The following ROBO1 variants were observed in gnomAD, a reference collection of about 807,000 sequenced individuals.
ROBO1 encodes the protein roundabout guidance receptor 1.
Under a neutral mutation model 195.9 loss-of-function variants are expected in ROBO1, and 149 were observed. The observed-to-expected ratio is 0.76, with a 90% confidence interval of 0.67 to 0.87. The LOEUF (loss-of-function observed/expected upper bound fraction) is 0.87, where lower values mean the gene tolerates loss of function less well. Ranked by LOEUF, ROBO1 falls within the 40% of genes least tolerant of loss-of-function variation. ROBO1 has a pLI of 0.00. For synonymous variants in ROBO1, 816 were observed against 733.2 expected (o/e 1.11, Z -1.82); for missense variants, 1,933 against 2,068.3 (o/e 0.93, Z 1.27).
At chr3:79,536,869 TG>T (rs774639076) in intron 2 of ROBO1, among the ~76,000 whole-genome samples, 20 of 152,130 alleles carry the variant, frequency 1.3e-4, no homozygotes, top group Non-Finnish European at 2.4e-4. Context: ...TCTTAAAGTC[TG>T]TGTCACTTTT....
At chr3:78,880,296 A>G (rs977308050) in intron 4 of ROBO1, among the ~76,000 whole-genome samples, 2 of 152,190 alleles carry the variant, frequency 1.3e-5, no homozygotes, top group Non-Finnish European at 2.9e-5. Context: ...TAAGATGTTA[A>G]CAATTAAATA....
intron 3 of ROBO1, among the ~76,000 whole-genome samples, chr3:79,024,190 C>T (rs2078159596): frequency 6.6e-6 from 1 of 152,188 alleles, no homozygotes; most frequent in Non-Finnish European, 1.5e-5. Context: ...TTTAGCATCT[C>T]AGCATCTCAC....
chr3:79,416,835 C>A (rs1337104442), intron 2 of ROBO1, among the ~76,000 whole-genome samples: 2 of 152,076 alleles, frequency 1.3e-5, no homozygotes, highest in Non-Finnish European at 2.9e-5. Context: ...CTGAGCATAA[C>A]CACAGATGTT....
Position 78,598,674 on chromosome 3 carries a change from T to G in ROBO1, c.*239A>C. On this transcript the variant is annotated 3_prime_UTR_variant, in exon 31 of 31. Coordinates refer to ENST00000464233, the MANE Select transcript of ROBO1 (RefSeq NM_002941.4). ...AGCACTTTGCTTGCTGGAAGTAAGGTATAATGGTTTGCTCCAACAGCGAGG... is the reference window on the plus strand; with the variant it reads ...AGCACTTTGCTTGCTGGAAGTAAGGGATAATGGTTTGCTCCAACAGCGAGG... 1 of 358,854 alleles carries G rather than the reference T, an allele frequency of 2.8e-6. No homozygotes were observed. The highest frequency in any genetic ancestry group is 5.0e-6 in the Non-Finnish European group (1 of 199,666). 22.2% of individuals were successfully genotyped at this position (358,854 alleles called of 1,614,324 possible). A position where few individuals can be genotyped will look rare whatever the true frequency, so the allele number is the denominator to read the frequency against.
intron 2 of ROBO1, among the ~76,000 whole-genome samples, chr3:79,520,490 T>C (rs1029722972): frequency 2.0e-5 from 3 of 152,184 alleles, no homozygotes; most frequent in Non-Finnish European, 2.9e-5. Flanking sequence ...TAATATGATA[T>C]CCAGATTTGT....
At chr3:79,622,421 T>G (rs544610733) in intron 1 of ROBO1, among the ~76,000 whole-genome samples, 3 of 152,298 alleles carry the variant, frequency 2.0e-5, no homozygotes, top group Middle Eastern at 3.4e-3. Context: ...CACAGCTGCC[T>G]AATACACTGA....
intron 3 of ROBO1, among the ~76,000 whole-genome samples, chr3:79,065,654 T>A (rs1198533929): frequency 6.6e-6 from 1 of 151,954 alleles, no homozygotes; most frequent in Non-Finnish European, 1.5e-5. Flanking sequence ...TCAATAAGGA[T>A]CATATTTAGA....
At chr3:78,808,959 ACC>A (rs2084639391) in intron 4 of ROBO1, among the ~76,000 whole-genome samples, 1 of 152,162 alleles carries the variant, frequency 6.6e-6, no homozygotes, top group Non-Finnish European at 1.5e-5. Context: ...TGACTAAAAC[ACC>A]AAAAGCAATG....
At chr3:79,700,369 T>C (rs1390046837) in intron 1 of ROBO1, among the ~76,000 whole-genome samples, 4 of 149,846 alleles carry the variant, frequency 2.7e-5, no homozygotes, top group Non-Finnish European at 5.9e-5. Flanking sequence ...GAACAATTTA[T>C]TTTCTTTTGG....
Position 78,794,633 on chromosome 3 carries a change from A to T in ROBO1, c.500-47733T>A, listed in dbSNP as rs2084129779. On this transcript the variant is annotated intron_variant, in intron 4 of 30. Coordinates refer to ENST00000464233, the MANE Select transcript of ROBO1 (RefSeq NM_002941.4). ...CACTTTGTCACCCAGACTGGAGTGC[A>T]TTGGTGTGATCTCAGCTCACTGCAG... 2.0e-5 allele frequency among the ~76,000 whole-genome samples: 3 copies of T among 152,108 alleles called. No individual in the cohort carries two copies. The South Asian group carries it at 6.2e-4, about 32-fold the overall frequency.
chr3:79,141,215 G>A (rs1013117084), intron 2 of ROBO1, among the ~76,000 whole-genome samples: 1 of 151,984 alleles, frequency 6.6e-6, no homozygotes, highest in African/African-American at 2.4e-5. Flanking sequence ...TGACGACTGC[G>A]ATTCCTCCCC....
At chr3:78,854,374 A>G (rs1162415170) in intron 4 of ROBO1, among the ~76,000 whole-genome samples, 1 of 148,982 alleles carries the variant, frequency 6.7e-6, no homozygotes, top group Non-Finnish European at 1.5e-5. Context: ...ATATAAATAC[A>G]TACATATAAT....
chr3:79,614,426 A>G (rs1308557327), intron 1 of ROBO1, among the ~76,000 whole-genome samples: 2 of 152,156 alleles, frequency 1.3e-5, no homozygotes, highest in Non-Finnish European at 2.9e-5. Flanking sequence ...AATGGAAATG[A>G]AAACATAACA....
chr3:78,915,990 G>T (rs1021316586), intron 4 of ROBO1, among the ~76,000 whole-genome samples: 12 of 152,076 alleles, frequency 7.9e-5, no homozygotes, highest in Admixed American at 6.6e-4. Context: ...GGTGGCTCAC[G>T]CCTGTAATCC....
Position 79,647,894 on chromosome 3 carries a change from T to C in ROBO1, c.-50-57933A>G, listed in dbSNP as rs551268217. ...AGATAGATTGTCTTACTTGTTTTTA[T>C]TAATCTTTGAAAAATGTGTGTCTAG... is the stretch of plus-strand genomic sequence containing the variant. On this transcript the variant is annotated intron_variant, in intron 1 of 30. Coordinates refer to ENST00000464233, the MANE Select transcript of ROBO1 (RefSeq NM_002941.4). Among the ~76,000 whole-genome samples the C allele has an allele frequency of 2.6e-5, 4 of 152,272 alleles. No individual in the cohort carries two copies. In the South Asian group the frequency reaches 8.3e-4, roughly 32 times the overall value.
At chr3:79,500,518 T>C (rs1452086921) in intron 2 of ROBO1, among the ~76,000 whole-genome samples, 4 of 152,236 alleles carry the variant, frequency 2.6e-5, no homozygotes, top group Non-Finnish European at 5.9e-5. Context: ...ATTGCTCCTG[T>C]GACGCACCTG....
chr3:78,678,125 A>G (rs948138325), intron 10 of ROBO1, among the ~76,000 whole-genome samples: 20 of 152,154 alleles, frequency 1.3e-4, no homozygotes, highest in African/African-American at 4.6e-4. Flanking sequence ...TTTGAAACCA[A>G]TGAGAACAAA....
rs536909447 is a variant in ROBO1, at chr3:78,817,410, T to C, written c.500-70510A>G. 1.7e-3 allele frequency among the ~76,000 whole-genome samples: 260 copies of C among 151,920 alleles called. 1 individual carries two copies. Among genetic ancestry groups the C allele is most frequent in the African/African-American group, 6.1e-3 (251 of 41,218 alleles). ...GTATAGTATAATCATAAATTTTACATGCACTGGAATACAAAAAAAAATTCA... is the reference window on the plus strand; with the variant it reads ...GTATAGTATAATCATAAATTTTACACGCACTGGAATACAAAAAAAAATTCA... On this transcript the variant is annotated intron_variant, in intron 4 of 30. Transcript: ENST00000464233.
At chr3:78,839,424 TG>T (rs1189950260) in intron 4 of ROBO1, among the ~76,000 whole-genome samples, 1 of 136,746 alleles carries the variant, frequency 7.3e-6, no homozygotes, top group Non-Finnish European at 1.6e-5. Flanking sequence ...TTCATTACTA[TG>T]AAAAAAGAAT....
Sources: gnomAD v4.1 joint callset for allele counts (sites outside exome capture counted in the v4.1 genomes callset) on GRCh38, gnomAD v4.1.1 for gene constraint, MANE v1.5 for transcripts, NCBI Gene and HGNC (gene_info 2026-07-23, HGNC 2026-07-21) for gene names.